Variants in STMN2 observed in about 807,000 individuals in gnomAD.
STMN2 encodes stathmin 2.
In STMN2, 2 loss-of-function variants were observed where a neutral mutation model predicts 24.1. The ratio of observed to expected loss-of-function variants is 0.08; its 90% CI spans 0.03 to 0.26. The LOEUF (loss-of-function observed/expected upper bound fraction) is 0.26. Among genes scored for constraint, STMN2 ranks in the 10% least tolerant of loss-of-function variants. The probability of loss-of-function intolerance (pLI) is 1.00; values close to 1 mark genes in which losing one functional copy is unlikely to be tolerated. For synonymous variants in STMN2, 83 were observed against 77.5 expected (o/e 1.07, Z -0.37); for missense variants, 114 against 213.6 (o/e 0.53, Z 2.91).
At chr8:79,613,684 C>G (rs1034191734) in intron 1 of STMN2, 7 of 985,322 alleles carry the variant, frequency 7.1e-6, no homozygotes, top group Non-Finnish European at 8.4e-6. Context: ...GTGGATTGCT[C>G]TTGGTTAAGG....
chr8:79,625,201 T>C (rs1809623766), intron 1 of STMN2, among the ~76,000 whole-genome samples: 2 of 152,162 alleles, frequency 1.3e-5, no homozygotes, highest in South Asian at 2.1e-4. Context: ...TTTTGAACTG[T>C]TTTTTATTTT....
chr8:79,651,880 G>T (rs1050426756), intron 3 of STMN2, among the ~76,000 whole-genome samples: 2 of 152,140 alleles, frequency 1.3e-5, no homozygotes, highest in African/African-American at 4.8e-5. Flanking sequence ...ATGTCACTGT[G>T]CCACAGGAGC....
At chr8:79,661,534 T>G (rs1806501309) in intron 4 of STMN2, among the ~76,000 whole-genome samples, 1 of 152,114 alleles carries the variant, frequency 6.6e-6, no homozygotes, top group Non-Finnish European at 1.5e-5. Flanking sequence ...ACACTTACTA[T>G]TGAACATGTC....
chr8:79,663,907 C>G (rs984136227), intron 4 of STMN2, among the ~76,000 whole-genome samples: 1 of 152,196 alleles, frequency 6.6e-6, no homozygotes, highest in South Asian at 2.1e-4. Context: ...AGGCTAGTAC[C>G]TTGGTTCCTT....
chr8:79,641,674 A>C, intron 3 of STMN2, 124 bp downstream of exon 3: 1 of 783,552 alleles, frequency 1.3e-6, no homozygotes, highest in Non-Finnish European at 1.9e-6. Flanking sequence ...ACACACACAT[A>C]CAGAGAGCAA....
chr8:79,616,322 G>A (rs1005120323), intron 1 of STMN2, among the ~76,000 whole-genome samples: 10 of 152,130 alleles, frequency 6.6e-5, no homozygotes, highest in East Asian at 3.8e-4. Context: ...TAATTTTAAC[G>A]AAGTAAGAAG....
At chr8:79,642,011 T>C (rs1462377241) in intron 3 of STMN2, among the ~76,000 whole-genome samples, 3 of 152,106 alleles carry the variant, frequency 2.0e-5, no homozygotes, top group Non-Finnish European at 4.4e-5. Flanking sequence ...TGGTTTTCCT[T>C]GGAATTACAA....
intron 1 of STMN2, among the ~76,000 whole-genome samples, chr8:79,615,394 C>G (rs1486769511): frequency 6.6e-6 from 1 of 152,106 alleles, no homozygotes; most frequent in Non-Finnish European, 1.5e-5. Context: ...CTGCTGATAG[C>G]GAACCCCAGC....
chr8:79,655,062 G>T lies in STMN2; in HGVS notation c.480G>T (p.Lys160Asn). The T allele has an allele frequency of 6.2e-7, 1 of 1,613,832 alleles. No individual in the cohort carries two copies. Among genetic ancestry groups the T allele is most frequent in the South Asian group, 1.1e-5 (1 of 91,064 alleles). The change falls in exon 4 of 5, where the codon AAG becomes AAT. Residue 160 changes from lysine to asparagine, a missense_variant and splice_region_variant. Transcript: ENST00000220876. ...CTATTATTGAACGTCTGCAGGAAAA[G>T]GTAATCTCAGCAGAGTCCTGAGCAG... ...LAAIIERLQEKERHAAEVRRN... is the reference protein window; with the variant it reads ...LAAIIERLQENERHAAEVRRN...
intron 3 of STMN2, among the ~76,000 whole-genome samples, chr8:79,646,385 T>G (rs1245957352): frequency 1.3e-5 from 2 of 148,962 alleles, no homozygotes; most frequent in Non-Finnish European, 3.0e-5. Context: ...GAACTGGGGG[T>G]GTGGGGGTGA....
rs577341440 is a variant in STMN2, at chr8:79,612,856, G to C, written c.19+1642G>C. Among the ~76,000 whole-genome samples, 29 of 152,190 alleles carry C rather than the reference G, an allele frequency of 1.9e-4. 1 individual carries two copies. Among genetic ancestry groups the C allele is most frequent in the South Asian group, 8.3e-4 (4 of 4,824 alleles). On this transcript the variant is annotated intron_variant, in intron 1 of 4. Coordinates refer to ENST00000220876, the MANE Select transcript of STMN2 (RefSeq NM_007029.4). ...AGAGGAATATGGGAGGGGCAGTTGA[G>C]CTGTATGCAGTCCTGGAACCTCTTT... is the stretch of plus-strand genomic sequence containing the variant.
intron 1 of STMN2, among the ~76,000 whole-genome samples, chr8:79,624,404 A>C (rs1330406706): frequency 7.1e-6 from 1 of 140,508 alleles, no homozygotes; most frequent in Non-Finnish European, 1.5e-5. Context: ...CAGTGAGCCG[A>C]GATTGTACCA....
intron 3 of STMN2, 66 bp downstream of exon 3, chr8:79,641,616 G>C: frequency 1.1e-6 from 1 of 880,620 alleles, no homozygotes; most frequent in Non-Finnish European, 1.7e-6. Context: ...ACACACTCGG[G>C]CACACATGCA....
chr8:79,643,888 T>C (rs190843062), intron 3 of STMN2, among the ~76,000 whole-genome samples: 1 of 152,272 alleles, frequency 6.6e-6, no homozygotes, highest in East Asian at 1.9e-4. Context: ...TCCAGTTATT[T>C]GTTAAACATT....
At chr8:79,613,081 G>C (rs1014726177) in intron 1 of STMN2, among the ~76,000 whole-genome samples, 2 of 152,098 alleles carry the variant, frequency 1.3e-5, no homozygotes, top group Non-Finnish European at 2.9e-5. Flanking sequence ...CCCCTTCCCA[G>C]GGATTCAGGG....
intron 1 of STMN2, chr8:79,611,795 A>G: frequency 1.1e-6 from 1 of 881,372 alleles, no homozygotes; most frequent in Non-Finnish European, 1.4e-6. Context: ...CAGGGAGGTA[A>G]GACGGCGGGG....
intron 1 of STMN2, among the ~76,000 whole-genome samples, chr8:79,631,155 T>C (rs1809793334): frequency 6.6e-6 from 1 of 152,240 alleles, no homozygotes; most frequent in African/African-American, 2.4e-5. Context: ...AACAATTTAC[T>C]GCTTTTATTA....
At chr8:79,657,173 C>T (rs1372960230) in intron 4 of STMN2, among the ~76,000 whole-genome samples, 5 of 152,178 alleles carry the variant, frequency 3.3e-5, no homozygotes, top group Admixed American at 3.3e-4. Flanking sequence ...CGTGCCCAGC[C>T]AGGGCATATC....
At chr8:79,616,238 T>A (rs1270009014) in intron 1 of STMN2, among the ~76,000 whole-genome samples, 1 of 152,226 alleles carries the variant, frequency 6.6e-6, no homozygotes, top group Admixed American at 6.5e-5. Flanking sequence ...GTGATTTCAA[T>A]CTAGTTTTAT....
Sources: allele counts gnomAD v4.1 joint callset (sites outside exome capture counted in the v4.1 genomes callset), GRCh38; gene constraint gnomAD v4.1.1; transcripts MANE v1.5; gene names NCBI Gene and HGNC (gene_info 2026-07-23, HGNC 2026-07-21).